Variants in SLC5A8 observed in about 807,000 individuals in gnomAD.
SLC5A8 encodes sodium-coupled monocarboxylate transporter 1.
A neutral mutation model predicts 71.9 loss-of-function variants in SLC5A8; 55 were observed. The observed-to-expected ratio is 0.77, with a 90% CI of 0.62 to 0.96. The LOEUF is 0.96. Among genes scored for constraint, SLC5A8 ranks in the 40% least tolerant of loss-of-function variants. The pLI is 0.00. For missense variants in SLC5A8, 701 were observed against 745.3 expected (o/e 0.94, Z 0.69); for synonymous variants, 307 against 276.1 (o/e 1.11, Z -1.11).
intron 10 of SLC5A8, among the ~76,000 whole-genome samples, chr12:101,178,867 A>G (rs1034601483): frequency 2.6e-5 from 4 of 152,152 alleles, no homozygotes; most frequent in African/African-American, 9.6e-5. Flanking sequence ...GAGGATAAAA[A>G]GACAAACTAC....
Position 101,157,139 on chromosome 12 carries a change from G to A in SLC5A8, c.*140C>T, listed in dbSNP as rs1046066262. 14 of 925,156 alleles carry A rather than the reference G, an allele frequency of 1.5e-5. No homozygotes were observed. In the African/African-American group the frequency reaches 2.3e-4, roughly 15 times the overall value. The allele number at this position is 925,156 out of a possible 1,614,324, so 57.3% of individuals were successfully genotyped here. A position where few individuals can be genotyped will look rare whatever the true frequency, so the allele number is the denominator to read the frequency against. ...TGATGTAGTAAATGAAGATAGTCCA[G>A]ACTTTGTTTTAACAAAAACTTATCC... On this transcript the variant is annotated 3_prime_UTR_variant, in exon 15 of 15. Transcript: ENST00000536262.
chr12:101,206,913 G>A (rs1203274148), intron 1 of SLC5A8, among the ~76,000 whole-genome samples: 2 of 151,886 alleles, frequency 1.3e-5, no homozygotes, highest in African/African-American at 2.4e-5. Context: ...AGTGATGGAT[G>A]AAAAAAAATG....
At position 101,156,964 on chromosome 12, in the gene SLC5A8, C is replaced by T. The variant is rs372109995; in HGVS notation, c.*315G>A. ...ATAATACCCAAATTTAAGAATATACCTTTGACAATCAAATACATGTGCATA... is the reference window on the plus strand; with the variant it reads ...ATAATACCCAAATTTAAGAATATACTTTTGACAATCAAATACATGTGCATA... On this transcript the variant is annotated 3_prime_UTR_variant, in exon 15 of 15. Transcript: ENST00000536262. 2.2e-4 allele frequency: 49 copies of T among 225,332 alleles called. No homozygotes were observed. Among genetic ancestry groups the T allele is most frequent in the African/African-American group, 1.1e-3 (48 of 44,114 alleles). 14.0% of individuals were successfully genotyped at this position (225,332 alleles called of 1,614,324 possible). A position where few individuals can be genotyped will look rare whatever the true frequency, so the allele number is the denominator to read the frequency against.
intron 10 of SLC5A8, among the ~76,000 whole-genome samples, chr12:101,177,442 TATAC>T (rs57569525): frequency 0.24 from 32,549 of 133,026 alleles, 3,681 homozygotes; most frequent in East Asian, 0.52. Flanking sequence ...AAAGGCAGTA[TATAC>T]ACACACACAC....
intron 1 of SLC5A8, among the ~76,000 whole-genome samples, chr12:101,208,463 C>T (rs534176468): frequency 2.2e-4 from 34 of 152,278 alleles, no homozygotes; most frequent in African/African-American, 7.2e-4. Flanking sequence ...GCTCAAGGAC[C>T]AGTGCTGGGT....
At chr12:101,158,596 CTCTATATATATA>C (rs1467424920) in intron 13 of SLC5A8, among the ~76,000 whole-genome samples, 106 of 17,688 alleles carry the variant, frequency 6.0e-3, no homozygotes, top group Non-Finnish European at 7.7e-3. Flanking sequence ...CTCTCTCTCT[CTCTATATATATA>C]TATATATATA....
At chr12:101,186,457 C>T (rs1094742) in intron 7 of SLC5A8, among the ~76,000 whole-genome samples, 39,966 of 152,012 alleles carry the variant, frequency 0.26, 5,722 homozygotes, top group East Asian at 0.53. Context: ...GAACTTGTTC[C>T]GCAAGTGAGT....
chr12:101,177,767 C>T (rs143504068), intron 10 of SLC5A8, among the ~76,000 whole-genome samples: 4 of 152,056 alleles, frequency 2.6e-5, no homozygotes, highest in African/African-American at 9.6e-5. Context: ...TGAAAACTCT[C>T]AGAAAAAAAT....
intron 9 of SLC5A8, among the ~76,000 whole-genome samples, chr12:101,180,418 T>C (rs2051921429): frequency 6.6e-6 from 1 of 152,206 alleles, no homozygotes. Context: ...CATAAACATT[T>C]GTATATAAAG....
chr12:101,155,891 G>A lies in SLC5A8; in HGVS notation c.*1388C>T, dbSNP rs2051655930. On this transcript the variant is annotated 3_prime_UTR_variant, in exon 15 of 15. Transcript: ENST00000536262. ...CTAAATAACACGTATCAGAAAATAA[G>A]CATAAAATTATTTAATCATAAAAAC... 1 of 150,640 alleles carries A rather than the reference G, an allele frequency of 6.6e-6. No homozygotes were observed. Among genetic ancestry groups the A allele is most frequent in the East Asian group, 2.0e-4 (1 of 5,122 alleles). The allele number at this position is 150,640 out of a possible 1,614,324, so 9.3% of individuals were successfully genotyped here.
At position 101,158,332 on chromosome 12, in the gene SLC5A8, G is replaced by T; in HGVS notation, c.1631-4C>A. 6.7e-7 allele frequency: 1 copy of T among 1,486,132 alleles called. No homozygotes were observed. Among genetic ancestry groups the T allele is most frequent in the Non-Finnish European group, 9.2e-7 (1 of 1,090,466 alleles). The allele number at this position is 1,486,132 out of a possible 1,614,324, so 92.1% of individuals were successfully genotyped here. On this transcript the variant is annotated splice_polypyrimidine_tract_variant and splice_region_variant and intron_variant, in intron 13 of 14. Transcript: ENST00000536262. ...TCTAAGTTCTGTTTTCTTCCTCCTG[G>T]AAAAAAAAATGTACATGACTTACGT...
At chr12:101,186,729 T>G (rs955517916) in intron 7 of SLC5A8, among the ~76,000 whole-genome samples, 2 of 152,210 alleles carry the variant, frequency 1.3e-5, no homozygotes, top group African/African-American at 4.8e-5. Context: ...GATTAAAAGT[T>G]GAAATTTATA....
At chr12:101,200,039 A>AAAAAAAAAAG (rs1869380570) in intron 3 of SLC5A8, among the ~76,000 whole-genome samples, 1 of 100,902 alleles carries the variant, frequency 9.9e-6, no homozygotes, top group Admixed American at 1.1e-4. Context: ...AAAAAAAAAA[A>AAAAAAAAAAG]AAAAAAAAAA....
chr12:101,200,047 A>AAAAAAAAAAAAAAAAAAT (rs1869383762), intron 3 of SLC5A8, among the ~76,000 whole-genome samples: 1 of 92,716 alleles, frequency 1.1e-5, no homozygotes, highest in African/African-American at 4.8e-5. Flanking sequence ...AAAAAAAAAA[A>AAAAAAAAAAAAAAAAAAT]AAAAAAAGGG....
chr12:101,182,120 G>T (rs1868393426), intron 9 of SLC5A8, among the ~76,000 whole-genome samples: 1 of 152,162 alleles, frequency 6.6e-6, no homozygotes, highest in Non-Finnish European at 1.5e-5. Context: ...CTCTATTCAA[G>T]CTGGTATTTA....
intron 2 of SLC5A8, among the ~76,000 whole-genome samples, chr12:101,204,170 T>C (rs1869576886): frequency 6.6e-6 from 1 of 152,196 alleles, no homozygotes; most frequent in Admixed American, 6.5e-5. Flanking sequence ...CAGCAACAAA[T>C]ATCTTTGTCA....
chr12:101,185,966 C>G (rs1283510111), intron 7 of SLC5A8, among the ~76,000 whole-genome samples: 3 of 152,048 alleles, frequency 2.0e-5, no homozygotes, highest in Non-Finnish European at 4.4e-5. Flanking sequence ...TTAACTAACA[C>G]AGTCCTGGAA....
chr12:101,190,337 A>T (rs1868839760), intron 6 of SLC5A8, 131 bp downstream of exon 6: 1 of 1,015,336 alleles, frequency 9.8e-7, no homozygotes, highest in African/African-American at 1.7e-5. Flanking sequence ...TTTTGTAACC[A>T]AATATATCAT....
intron 10 of SLC5A8, among the ~76,000 whole-genome samples, chr12:101,179,046 G>A (rs575918583): frequency 1.3e-5 from 2 of 152,148 alleles, no homozygotes; most frequent in South Asian, 2.1e-4. Context: ...AAAATAAGTC[G>A]CTGAAAAACA....
Sources: gnomAD v4.1 joint callset for allele counts (sites outside exome capture counted in the v4.1 genomes callset) on GRCh38, gnomAD v4.1.1 for gene constraint, MANE v1.5 for transcripts, NCBI Gene and HGNC (gene_info 2026-07-23, HGNC 2026-07-21) for gene names.